WFDC6: variants seen among roughly 807,000 people sequenced by gnomAD.
The protein encoded by WFDC6 is WAP four-disulfide core domain protein 6.
In WFDC6, 10 loss-of-function variants were observed where a neutral mutation model predicts 8.2. That is an observed-to-expected ratio of 1.22 (90% confidence interval 0.75 to 2.07). The LOEUF is 2.07. WFDC6 is among the 30% of genes most tolerant of loss of function. The probability of loss-of-function intolerance (pLI) is 0.00; values close to 1 mark genes in which losing one functional copy is unlikely to be tolerated. For synonymous variants in WFDC6, 28 were observed against 37.0 expected (o/e 0.76, Z 0.88); for missense variants, 105 against 104.9 (o/e 1.00, Z 0.00).
chr20:45,534,223 G>T lies in WFDC6; in HGVS notation c.*244C>A. On this transcript the variant is annotated 3_prime_UTR_variant, in exon 3 of 3. Coordinates refer to ENST00000372670, the MANE Select transcript of WFDC6 (RefSeq NM_080827.2). ...GGACCCCACAGAGCACTTTATTAAG[G>T]CAACTGAAGCCTTCATACAAATAAA... is the stretch of plus-strand genomic sequence containing the variant. 1.8e-6 allele frequency: 1 copy of T among 567,282 alleles called. No individual in the cohort carries two copies. Among genetic ancestry groups the T allele is most frequent in the East Asian group, 3.0e-5 (1 of 33,806 alleles). 35.1% of individuals were successfully genotyped at this position (567,282 alleles called of 1,614,324 possible). A position where few individuals can be genotyped will look rare whatever the true frequency, so the allele number is the denominator to read the frequency against.
At chr20:45,537,162 A>G (rs1979397347) in intron 2 of WFDC6, 1 of 243,086 alleles carries the variant, frequency 4.1e-6, no homozygotes, top group African/African-American at 2.2e-5. Flanking sequence ...ATACACTACC[A>G]GTTTCCTGTT....
intron 2 of WFDC6, among the ~76,000 whole-genome samples, chr20:45,536,513 G>A (rs148304521): frequency 1.3e-5 from 2 of 152,286 alleles, no homozygotes; most frequent in Non-Finnish European, 2.9e-5. Flanking sequence ...TTATGCAGAT[G>A]AGAAAACTAA....
chr20:45,537,962 AC>A lies in WFDC6; in HGVS notation c.222+1del. 1 of 1,613,860 alleles carries A rather than the reference AC, an allele frequency of 6.2e-7. No homozygotes were observed. Among genetic ancestry groups the A allele is most frequent in the Non-Finnish European group, 8.5e-7 (1 of 1,179,852 alleles). On this transcript the variant is annotated splice_donor_variant, in intron 2 of 2. Coordinates refer to ENST00000372670, the MANE Select transcript of WFDC6 (RefSeq NM_080827.2). LOFTEE classifies it high-confidence loss of function. ...GGGTAATTTAGGAAGCATCTGAGTT[AC>A]CTTTCTGAAGTCTAAACATTTCTTT...
In WFDC6 at chr20:45,539,429, T is replaced by C; in HGVS notation, c.-22A>G. The stretch of plus-strand genomic sequence containing the variant: ...CCATTTTAGGAAGTACTGGCCTGGT[T>C]GATGGCACCAAAACTAAGAACTGCT... On this transcript the variant is annotated 5_prime_UTR_variant, in exon 1 of 3. Transcript: ENST00000372670. The C allele has an allele frequency of 6.2e-7, 1 of 1,609,706 alleles. No homozygotes were observed. The highest frequency in any genetic ancestry group is 8.5e-7 in the Non-Finnish European group (1 of 1,176,180).
chr20:45,537,697 C>T, intron 2 of WFDC6: 1 of 1,121,526 alleles, frequency 8.9e-7, no homozygotes, highest in Non-Finnish European at 1.3e-6. Context: ...ACCATGTGGT[C>T]CATTATCCAC....
At chr20:45,538,806 T>A (rs902453705) in intron 1 of WFDC6, among the ~76,000 whole-genome samples, 1 of 152,220 alleles carries the variant, frequency 6.6e-6, no homozygotes, top group African/African-American at 2.4e-5. Context: ...AATGTGTGGC[T>A]CCTGAGTGCT....
At chr20:45,535,588 C>T (rs1001432665) in intron 2 of WFDC6, among the ~76,000 whole-genome samples, 2 of 152,254 alleles carry the variant, frequency 1.3e-5, no homozygotes, top group Admixed American at 6.5e-5. Context: ...TGTGACATCA[C>T]ATGGCTTCTT....
At chr20:45,537,561 A>T (rs1979412595) in intron 2 of WFDC6, 1 of 1,549,928 alleles carries the variant, frequency 6.5e-7, no homozygotes, top group East Asian at 2.4e-5. Context: ...CTAGAGAAAA[A>T]AGCCAGGAAA....
At chr20:45,539,024 G>A (rs1159852811) in intron 1 of WFDC6, among the ~76,000 whole-genome samples, 7 of 152,124 alleles carry the variant, frequency 4.6e-5, no homozygotes, top group Admixed American at 4.6e-4. Context: ...TCTTGTGGGA[G>A]ACTTCCTTGG....
chr20:45,535,466 G>T (rs918892925), intron 2 of WFDC6: 1 of 990,598 alleles, frequency 1.0e-6, no homozygotes, highest in African/African-American at 1.7e-5. Context: ...TCCCAATTCA[G>T]TGTGAACCCT....
chr20:45,537,579 T>G (rs745519315), intron 2 of WFDC6: 110 of 1,545,452 alleles, frequency 7.1e-5, no homozygotes, highest in Non-Finnish European at 9.3e-5. Context: ...AAATACAGAT[T>G]ATATACCTGT....
chr20:45,539,430 G>A lies in WFDC6; in HGVS notation c.-23C>T, dbSNP rs746094695. ...CATTTTAGGAAGTACTGGCCTGGTT[G>A]ATGGCACCAAAACTAAGAACTGCTC... On this transcript the variant is annotated 5_prime_UTR_variant, in exon 1 of 3. Transcript: ENST00000372670. 6.2e-7 allele frequency: 1 copy of A among 1,609,374 alleles called. No individual in the cohort carries two copies. The highest frequency in any genetic ancestry group is 1.7e-5 in the Admixed American group (1 of 59,958).
Position 45,534,345 on chromosome 20 carries a change from G to A in WFDC6, c.*122C>T. The A allele has an allele frequency of 8.8e-7, 1 of 1,129,962 alleles. No homozygotes were observed. The highest frequency in any genetic ancestry group is 1.3e-6 in the Non-Finnish European group (1 of 740,750). 70.0% of individuals were successfully genotyped at this position (1,129,962 alleles called of 1,614,324 possible). On this transcript the variant is annotated 3_prime_UTR_variant, in exon 3 of 3. Coordinates refer to ENST00000372670, the MANE Select transcript of WFDC6 (RefSeq NM_080827.2). ...AAGAGATGCTACGCTGGAAGAAAGTGTGTAAGCAATTCCTGGGGTTCAGTT... is the reference window on the plus strand; with the variant it reads ...AAGAGATGCTACGCTGGAAGAAAGTATGTAAGCAATTCCTGGGGTTCAGTT...
At position 45,539,420 on chromosome 20, in the gene WFDC6, T is replaced by C. The variant is rs369189889; in HGVS notation, c.-13A>G. ...CTGAGAGTCCCATTTTAGGAAGTAC[T>C]GGCCTGGTTGATGGCACCAAAACTA... On this transcript the variant is annotated 5_prime_UTR_variant, in exon 1 of 3. Coordinates refer to ENST00000372670, the MANE Select transcript of WFDC6 (RefSeq NM_080827.2). The C allele has an allele frequency of 1.2e-6, 2 of 1,612,452 alleles. No homozygotes were observed. Among genetic ancestry groups the C allele is most frequent in the Non-Finnish European group, 1.7e-6 (2 of 1,178,706 alleles).
chr20:45,536,150 A>C (rs2022420290), intron 2 of WFDC6, among the ~76,000 whole-genome samples: 1 of 152,076 alleles, frequency 6.6e-6, no homozygotes, highest in Non-Finnish European at 1.5e-5. Flanking sequence ...CCTCCATGAG[A>C]ATGTGAGGTT....
chr20:45,537,214 C>T, intron 2 of WFDC6: 1 of 366,678 alleles, frequency 2.7e-6, no homozygotes, highest in Non-Finnish European at 5.1e-6. Flanking sequence ...CCTTTCTAGA[C>T]CTGAACATCC....
At chr20:45,537,071 AAT>A (rs1979393221) in intron 2 of WFDC6, 1 of 163,744 alleles carries the variant, frequency 6.1e-6, no homozygotes, top group African/African-American at 2.4e-5. Context: ...AGATTCAGAA[AAT>A]ATCATTAAGT....
rs1979283539 is a variant in WFDC6, at chr20:45,534,232, G to T, written c.*235C>A. 1.7e-6 allele frequency: 1 copy of T among 582,120 alleles called. No homozygotes were observed. The highest frequency in any genetic ancestry group is 3.1e-6 in the Non-Finnish European group (1 of 325,048). 36.1% of individuals were successfully genotyped at this position (582,120 alleles called of 1,614,324 possible). On this transcript the variant is annotated 3_prime_UTR_variant, in exon 3 of 3. Transcript: ENST00000372670. Reference sequence around the variant, plus strand: ...AGAGCACTTTATTAAGGCAACTGAAGCCTTCATACAAATAAATGGGGGGTC... The same window carrying T: ...AGAGCACTTTATTAAGGCAACTGAATCCTTCATACAAATAAATGGGGGGTC...
intron 2 of WFDC6, chr20:45,535,179 C>A: frequency 7.7e-7 from 1 of 1,304,004 alleles, no homozygotes; most frequent in South Asian, 1.2e-5. Flanking sequence ...TTGCAGGTGA[C>A]CAGACAGATA....
Sources: gnomAD v4.1 joint callset for allele counts (sites outside exome capture counted in the v4.1 genomes callset) on GRCh38, gnomAD v4.1.1 for gene constraint, MANE v1.5 for transcripts, NCBI Gene and HGNC (gene_info 2026-07-23, HGNC 2026-07-21) for gene names.